Variants in PDGFRB observed in about 807,000 individuals in gnomAD.
PDGFRB encodes platelet-derived growth factor receptor beta.
A neutral mutation model predicts 120.2 loss-of-function variants in PDGFRB; 42 were observed. The ratio of observed to expected loss-of-function variants is 0.35; its 90% confidence interval spans 0.27 to 0.45. PDGFRB has a LOEUF of 0.45. Ranked by LOEUF, PDGFRB falls within the 20% of genes least tolerant of loss-of-function variation. The pLI, the probability that PDGFRB is intolerant of heterozygous loss-of-function variation, is 1.00. For missense variants in PDGFRB, 1,149 were observed against 1,476.3 expected (o/e 0.78, Z 3.63); for synonymous variants, 586 against 606.8 (o/e 0.97, Z 0.50).
chr5:150,143,882 GA>G (rs1448612496), intron 1 of PDGFRB, among the ~76,000 whole-genome samples: 2 of 151,978 alleles, frequency 1.3e-5, no homozygotes, highest in African/African-American at 4.8e-5. Flanking sequence ...CCAGCCTCGG[GA>G]TCACTCTAAG....
chr5:150,131,216 C>A (rs2113904857), intron 8 of PDGFRB, among the ~76,000 whole-genome samples: 1 of 152,274 alleles, frequency 6.6e-6, no homozygotes, highest in South Asian at 2.1e-4. Context: ...CCCACAAAGA[C>A]CTATGCGATT....
Position 150,121,325 on chromosome 5 carries a change from AG to A in PDGFRB, c.2345-4del. 7.2e-7 allele frequency: 1 copy of A among 1,385,076 alleles called. No individual in the cohort carries two copies. The highest frequency in any genetic ancestry group is 1.0e-6 in the Non-Finnish European group (1 of 970,684). The allele number at this position is 1,385,076 out of a possible 1,614,324, so 85.8% of individuals were successfully genotyped here. A position where few individuals can be genotyped will look rare whatever the true frequency, so the allele number is the denominator to read the frequency against. ...TGCTCGGCAGGTCCTCTCAGGGGCT[AG>A]AGGAGAAGCAGAGGGTCACCTGCTA... On this transcript the variant is annotated splice_region_variant and splice_polypyrimidine_tract_variant and intron_variant, in intron 16 of 22. Coordinates refer to ENST00000261799, the MANE Select transcript of PDGFRB (RefSeq NM_002609.4). The surrounding 1 kb of genome is among the most constrained non-coding windows in gnomAD (Gnocchi z 4.1).
At chr5:150,133,445 C>T (rs777117534) in intron 6 of PDGFRB, 141 bp downstream of exon 6, 45 of 729,462 alleles carry the variant, frequency 6.2e-5, no homozygotes, top group Non-Finnish European at 9.4e-5. Context: ...TACCCCGGGG[C>T]TGTGACAGGC....
chr5:150,135,876 C>T lies in PDGFRB; in HGVS notation c.43G>A (p.Glu15Lys), dbSNP rs148853962. 430 of 1,522,012 alleles carry T rather than the reference C, an allele frequency of 2.8e-4. No homozygotes were observed. The highest frequency in any genetic ancestry group is 3.6e-4 in the Non-Finnish European group (405 of 1,136,214). 94.3% of individuals were successfully genotyped at this position (1,522,012 alleles called of 1,614,324 possible). Reference sequence around the variant, plus strand: ...AACAGGAGAGACAGCAACAGCAGCTCGCCTTTGGGAGAGGAGGTATCAGAC... The same window carrying T: ...AACAGGAGAGACAGCAACAGCAGCTTGCCTTTGGGAGAGGAGGTATCAGAC... ...GAMPALALKG[E>K]LLLLSLLLLL... The change falls in exon 3 of 23, where the codon GAG becomes AAG. Residue 15 changes from glutamate (E) to lysine (K), a missense_variant and splice_region_variant. Physicochemically the swap from Glu to Lys is moderately conservative, Grantham distance 56 (BLOSUM62 1). This residue lies in a region of PDGFRB where 879 missense variants were observed against 1,108.6 expected (regional missense o/e 0.79). Coordinates refer to ENST00000261799, the MANE Select transcript of PDGFRB (RefSeq NM_002609.4).
rs1445116670 is a variant in PDGFRB, at chr5:150,121,854, G to A, written c.2344+26C>T. 5 of 1,575,246 alleles carry A rather than the reference G, an allele frequency of 3.2e-6. No individual in the cohort carries two copies. The highest frequency in any genetic ancestry group is 4.4e-6 in the Non-Finnish European group (5 of 1,145,714). On this transcript the variant is annotated intron_variant, in intron 16 of 22. Coordinates refer to ENST00000261799, the MANE Select transcript of PDGFRB (RefSeq NM_002609.4). This position sits in a 1 kb window ranked among gnomAD's most constrained non-coding sequence, Gnocchi z 4.1. The stretch of plus-strand genomic sequence containing the variant: ...AGAGCATCAGCCTGTTTGGATGTGG[G>A]GTACTATGTCACTATGTCCACCCAC...
At chr5:150,128,402 C>T (rs532066091) in intron 10 of PDGFRB, among the ~76,000 whole-genome samples, 6 of 152,248 alleles carry the variant, frequency 3.9e-5, no homozygotes, top group Non-Finnish European at 5.9e-5. Flanking sequence ...CGTGCCTGAA[C>T]ATGCCCAGGG....
chr5:150,144,214 C>T (rs7720799), intron 1 of PDGFRB, among the ~76,000 whole-genome samples: 24,195 of 152,174 alleles, frequency 0.16, 2,352 homozygotes, highest in Middle Eastern at 0.28. Flanking sequence ...TCCACCTGTT[C>T]TCACACCCCA....
chr5:150,121,090 TACA>T lies in PDGFRB; in HGVS notation c.2464-83_2464-81del, dbSNP rs1760117098. The T allele has an allele frequency of 6.6e-7, 1 of 1,521,052 alleles. No individual in the cohort carries two copies. Among genetic ancestry groups the T allele is most frequent in the African/African-American group, 1.4e-5 (1 of 72,930 alleles). 94.2% of individuals were successfully genotyped at this position (1,521,052 alleles called of 1,614,324 possible). On this transcript the variant is annotated intron_variant, in intron 17 of 22. Coordinates refer to ENST00000261799, the MANE Select transcript of PDGFRB (RefSeq NM_002609.4). The surrounding 1 kb of genome is among the most constrained non-coding windows in gnomAD (Gnocchi z 4.1). Reference sequence around the variant, plus strand: ...CTTCATGTCAAGGGCTTTGGGAAAATACAACACTGCCCATGTGCGAGAGGCCAC... The same window carrying T: ...CTTCATGTCAAGGGCTTTGGGAAAATACACTGCCCATGTGCGAGAGGCCAC...
In PDGFRB at chr5:150,132,903, A is replaced by C. The variant is rs1294402409; in HGVS notation, c.974T>G (p.Leu325Arg). 4 of 1,584,000 alleles carry C rather than the reference A, an allele frequency of 2.5e-6. No homozygotes were observed. In the African/African-American group the frequency reaches 5.4e-5, roughly 21 times the overall value. The change falls in exon 7 of 23, where the codon CTA becomes CGA. Residue 325 changes from leucine to arginine, a missense_variant. This residue lies in a region of PDGFRB where 879 missense variants were observed against 1,108.6 expected (regional missense o/e 0.79). Transcript: ENST00000261799. This position sits in a 1 kb window ranked among gnomAD's most constrained non-coding sequence, Gnocchi z 5.0. The stretch of plus-strand genomic sequence containing the variant: ...GCTCCGATGCAGCTCAGCAAATTGT[A>C]GTGTGCCCACCTCTCCCAGGAGCCG... Reference protein sequence around the residue: ...YVRLLGEVGTLQFAELHRSRT... With the variant: ...YVRLLGEVGTRQFAELHRSRT...
chr5:150,124,143 C>T, intron 14 of PDGFRB, 107 bp downstream of exon 14: 1 of 721,728 alleles, frequency 1.4e-6, no homozygotes, highest in Non-Finnish European at 2.3e-6. Context: ...GGCACGGACC[C>T]TCCAGCAGGA....
intron 22 of PDGFRB, 76 bp downstream of exon 22, chr5:150,117,542 G>GTGCA: frequency 2.2e-6 from 1 of 461,986 alleles, no homozygotes; most frequent in Non-Finnish European, 3.6e-6. Flanking sequence ...GCGCGCGCGC[G>GTGCA]CGCACACACA....
chr5:150,131,108 T>C (rs1760452517), intron 8 of PDGFRB, among the ~76,000 whole-genome samples: 1 of 152,232 alleles, frequency 6.6e-6, no homozygotes, highest in South Asian at 2.1e-4. Context: ...AGAAAGTCAA[T>C]TAACAAAACA....
intron 1 of PDGFRB, among the ~76,000 whole-genome samples, chr5:150,149,590 A>G (rs1422190249): frequency 3.3e-5 from 5 of 152,294 alleles, no homozygotes; most frequent in South Asian, 2.1e-4. Context: ...TTATTTCACT[A>G]TCCATTCAGC....
intron 14 of PDGFRB, 179 bp downstream of exon 14, chr5:150,124,071 T>C (rs113218146): frequency 5.6e-4 from 240 of 428,958 alleles, no homozygotes; most frequent in African/African-American, 4.4e-3. Context: ...GTGTTGTGAT[T>C]TTGTGAGTTT....
chr5:150,127,880 T>G (rs1033761778), intron 10 of PDGFRB, among the ~76,000 whole-genome samples: 1 of 145,504 alleles, frequency 6.9e-6, no homozygotes, highest in African/African-American at 2.6e-5. Flanking sequence ...TTCCCCATGT[T>G]ATCAGTAAAG....
At chr5:150,127,438 C>G (rs2113899394) in intron 10 of PDGFRB, among the ~76,000 whole-genome samples, 1 of 152,336 alleles carries the variant, frequency 6.6e-6, no homozygotes, top group East Asian at 1.9e-4. Context: ...TCCTCCTCCC[C>G]ATCCATTGCT....
intron 11 of PDGFRB, 85 bp from the exon 12 acceptor site, chr5:150,125,662 G>T: frequency 1.5e-6 from 2 of 1,347,098 alleles, no homozygotes; most frequent in South Asian, 1.3e-5. Flanking sequence ...GGACACATGG[G>T]GCAGGAGACC....
At chr5:150,129,190 C>T (rs1760381486) in intron 10 of PDGFRB, among the ~76,000 whole-genome samples, 1 of 152,220 alleles carries the variant, frequency 6.6e-6, no homozygotes. Context: ...AGGAATTGTA[C>T]ATGCATTGCT....
At chr5:150,117,568 AC>A in intron 22 of PDGFRB, 49 bp downstream of exon 22, 1 of 1,009,126 alleles carries the variant, frequency 9.9e-7, no homozygotes, top group South Asian at 1.4e-5. Context: ...ACACACACAC[AC>A]ACACACACAC....
Sources: gnomAD v4.1 joint callset for allele counts (sites outside exome capture counted in the v4.1 genomes callset) on GRCh38, gnomAD v4.1.1 for gene constraint, gnomAD v4.1.1 regional missense constraint, Gnocchi (gnomAD v3.1) non-coding constraint, MANE v1.5 for transcripts, NCBI Gene and HGNC (gene_info 2026-07-23, HGNC 2026-07-21) for gene names.